Variants in ADAMTS12 observed in about 807,000 individuals in gnomAD.
ADAMTS12 encodes ADAM metallopeptidase with thrombospondin type 1 motif 12.
In ADAMTS12, 118 loss-of-function variants were observed where a neutral mutation model predicts 167.8. The ratio of observed to expected loss-of-function variants is 0.70; its 90% CI spans 0.61 to 0.82. The LOEUF (loss-of-function observed/expected upper bound fraction) is 0.82, where lower values mean the gene tolerates loss of function less well. ADAMTS12 is among the 40% of genes least tolerant of loss of function. The pLI is 0.00. For missense variants in ADAMTS12, 1,916 were observed against 1,998.8 expected (o/e 0.96, Z 0.79); for synonymous variants, 704 against 716.9 (o/e 0.98, Z 0.29).
At chr5:33,679,594 T>C (rs1742036101) in intron 5 of ADAMTS12, among the ~76,000 whole-genome samples, 1 of 152,164 alleles carries the variant, frequency 6.6e-6, no homozygotes, top group Admixed American at 6.5e-5. Context: ...TCCTCACTAG[T>C]TAATTCCTTT....
chr5:33,734,659 T>C (rs1171768433), intron 3 of ADAMTS12, among the ~76,000 whole-genome samples: 1 of 152,176 alleles, frequency 6.6e-6, no homozygotes, highest in African/African-American at 2.4e-5. Context: ...GTATGAGTAC[T>C]TATGCTCCAG....
intron 18 of ADAMTS12, among the ~76,000 whole-genome samples, chr5:33,582,587 C>G (rs539478804): frequency 6.6e-6 from 1 of 152,344 alleles, no homozygotes; most frequent in South Asian, 2.1e-4. Flanking sequence ...TATTTGGTCA[C>G]TCTGCATTCC....
chr5:33,587,042 CTT>C (rs879613036), intron 18 of ADAMTS12, among the ~76,000 whole-genome samples: 7 of 141,476 alleles, frequency 4.9e-5, no homozygotes, highest in Admixed American at 7.1e-5. Context: ...TTTTCTGTTT[CTT>C]TTTTTTTTTT....
intron 22 of ADAMTS12, among the ~76,000 whole-genome samples, chr5:33,535,195 T>G (rs1456464384): frequency 6.6e-6 from 1 of 152,202 alleles, no homozygotes; most frequent in Non-Finnish European, 1.5e-5. Flanking sequence ...TTGTGTGGAT[T>G]GAATCTGACT....
At chr5:33,755,151 A>C (rs919858206) in intron 2 of ADAMTS12, among the ~76,000 whole-genome samples, 1 of 152,212 alleles carries the variant, frequency 6.6e-6, no homozygotes, top group Non-Finnish European at 1.5e-5. Context: ...CCTATTTTGA[A>C]TTCTTTGGAG....
chr5:33,626,356 G>T (rs62640991), intron 13 of ADAMTS12, among the ~76,000 whole-genome samples: 144,101 of 147,180 alleles, frequency 0.98, 70,616 homozygotes, highest in Non-Finnish European at 1. Context: ...TGGTGGTGAT[G>T]TGATGGTGGT....
At chr5:33,847,360 C>CA in intron 2 of ADAMTS12, among the ~76,000 whole-genome samples, 1 of 152,290 alleles carries the variant, frequency 6.6e-6, no homozygotes, top group South Asian at 2.1e-4. Flanking sequence ...CTGTGGCTCA[C>CA]GCCTGTAATC....
intron 3 of ADAMTS12, among the ~76,000 whole-genome samples, chr5:33,732,329 C>T (rs780314235): frequency 5.9e-5 from 9 of 151,966 alleles, no homozygotes; most frequent in East Asian, 1.9e-4. Context: ...AGAAAGAAAA[C>T]GTCTAAATGA....
intron 17 of ADAMTS12, among the ~76,000 whole-genome samples, chr5:33,591,214 G>A (rs1197906104): frequency 1.3e-5 from 2 of 151,928 alleles, no homozygotes; most frequent in South Asian, 2.1e-4. Context: ...AAGTAGAAGG[G>A]ATGGGTTAGA....
At chr5:33,857,431 AAAAG>A (rs934654461) in intron 2 of ADAMTS12, among the ~76,000 whole-genome samples, 1 of 152,150 alleles carries the variant, frequency 6.6e-6, no homozygotes, top group African/African-American at 2.4e-5. Context: ...ACAAAAAAAA[AAAAG>A]AAAATGGTAA....
chr5:33,577,699 G>A (rs1362695234), intron 18 of ADAMTS12, among the ~76,000 whole-genome samples: 1 of 152,116 alleles, frequency 6.6e-6, no homozygotes, highest in Non-Finnish European at 1.5e-5. Context: ...CAGATTAAAA[G>A]CTAGATAATC....
chr5:33,579,621 A>G (rs1351986225), intron 18 of ADAMTS12, among the ~76,000 whole-genome samples: 1 of 152,230 alleles, frequency 6.6e-6, no homozygotes, highest in Non-Finnish European at 1.5e-5. Context: ...TCAAAAAACT[A>G]TAAAACCTCT....
chr5:33,667,513 T>C (rs1242673774), intron 5 of ADAMTS12, among the ~76,000 whole-genome samples: 1 of 152,058 alleles, frequency 6.6e-6, no homozygotes, highest in Admixed American at 6.6e-5. Context: ...AAAGACTATA[T>C]TTTCTCTATA....
rs557941876 is a variant in ADAMTS12 at position 33,546,165 on chromosome 5, C to T, written c.4340G>A (p.Gly1447Glu). 1 of 1,613,944 alleles carries T rather than the reference C, an allele frequency of 6.2e-7. No homozygotes were observed. The highest frequency in any genetic ancestry group is 1.1e-5 in the South Asian group (1 of 91,052). Reference sequence around the variant, plus strand: ...ACAGAGGCCTCCTGGACAGAACACTCCTCTCTCCTGAACTCCACCTCCACA... The same window carrying T: ...ACAGAGGCCTCCTGGACAGAACACTTCTCTCTCCTGAACTCCACCTCCACA... ...RSCGGGVQER[G>E]VFCPGGLCDW... is the part of the protein sequence containing the mutation. The change falls in exon 22 of 24, where the codon GGA becomes GAA. Residue 1447 changes from glycine (G) to glutamate (E), a missense_variant. Physicochemically the swap from Gly to Glu is moderately conservative, Grantham distance 98 (BLOSUM62 -2). Coordinates refer to ENST00000504830, the MANE Select transcript of ADAMTS12 (RefSeq NM_030955.4).
At chr5:33,754,058 C>T (rs1409132644) in intron 2 of ADAMTS12, among the ~76,000 whole-genome samples, 2 of 152,152 alleles carry the variant, frequency 1.3e-5, no homozygotes, top group Non-Finnish European at 2.9e-5. Context: ...TCTTCTCTCT[C>T]CCAACATATA....
At chr5:33,802,097 T>C (rs1747034854) in intron 2 of ADAMTS12, among the ~76,000 whole-genome samples, 1 of 152,202 alleles carries the variant, frequency 6.6e-6, no homozygotes, top group Non-Finnish European at 1.5e-5. Context: ...AGGCACTATC[T>C]ATGAATTGGG....
intron 3 of ADAMTS12, among the ~76,000 whole-genome samples, chr5:33,737,158 GT>G (rs1317280694): frequency 6.6e-6 from 1 of 152,180 alleles, no homozygotes; most frequent in Non-Finnish European, 1.5e-5. Flanking sequence ...TCTTGTTACT[GT>G]GCCATCTTTT....
chr5:33,788,421 G>A (rs1431548580), intron 2 of ADAMTS12, among the ~76,000 whole-genome samples: 1 of 152,160 alleles, frequency 6.6e-6, no homozygotes, highest in African/African-American at 2.4e-5. Context: ...GAAGGGAAAG[G>A]AAGGTAAGGG....
intron 18 of ADAMTS12, among the ~76,000 whole-genome samples, chr5:33,578,533 A>G (rs16891337): frequency 0.088 from 13,323 of 152,252 alleles, 620 homozygotes; most frequent in South Asian, 0.18. Flanking sequence ...GAATTCCAGG[A>G]TAGTTCTGAG....
Sources: gnomAD v4.1 joint callset for allele counts (sites outside exome capture counted in the v4.1 genomes callset) on GRCh38, gnomAD v4.1.1 for gene constraint, MANE v1.5 for transcripts, NCBI Gene and HGNC (gene_info 2026-07-23, HGNC 2026-07-21) for gene names.